Variants in SNX10 observed in about 807,000 individuals in gnomAD.
The protein encoded by SNX10 is sorting nexin-10.
A neutral mutation model predicts 28.5 loss-of-function variants in SNX10; 25 were observed. The observed-to-expected ratio is 0.88, with a 90% confidence interval of 0.64 to 1.22. SNX10 has a LOEUF of 1.22. SNX10 is among the 50% of genes most tolerant of loss of function. The pLI is 0.00. For missense variants in SNX10, 223 were observed against 242.6 expected, an observed-to-expected ratio of 0.92 and a Z score of 0.54; for synonymous variants, 62 against 81.4, an observed-to-expected ratio of 0.76 and a Z score of 1.28.
chr7:26,302,293 C>G (rs1279114860), intron 1 of SNX10, among the ~76,000 whole-genome samples: 1 of 152,072 alleles, frequency 6.6e-6, no homozygotes, highest in African/African-American at 2.4e-5. Flanking sequence ...CTGTGTGGGC[C>G]CAGAATCTTA....
intron 1 of SNX10, among the ~76,000 whole-genome samples, chr7:26,335,969 G>T (rs1330378832): frequency 6.6e-6 from 1 of 151,524 alleles, no homozygotes; most frequent in Non-Finnish European, 1.5e-5. Flanking sequence ...CTGACCTCGT[G>T]ATCCGCCCGC....
chr7:26,349,212 A>G (rs3801888), intron 2 of SNX10, among the ~76,000 whole-genome samples: 43,326 of 152,086 alleles, frequency 0.28, 6,443 homozygotes, highest in South Asian at 0.53. Flanking sequence ...CCCACAGCAA[A>G]CATTACTAAT....
intron 1 of SNX10, among the ~76,000 whole-genome samples, chr7:26,341,593 C>A (rs946435438): frequency 6.6e-6 from 1 of 151,646 alleles, no homozygotes; most frequent in African/African-American, 2.4e-5. Flanking sequence ...TTCCTGGGTT[C>A]AAGCAGTTCT....
At chr7:26,356,062 A>G (rs911747925) in intron 2 of SNX10, among the ~76,000 whole-genome samples, 3 of 152,206 alleles carry the variant, frequency 2.0e-5, no homozygotes, top group Non-Finnish European at 4.4e-5. Context: ...CTTAAGGGCT[A>G]AGGAAAAAAA....
At chr7:26,297,458 C>A (rs2127992429) in intron 1 of SNX10, among the ~76,000 whole-genome samples, 1 of 152,238 alleles carries the variant, frequency 6.6e-6, no homozygotes, top group Admixed American at 6.5e-5. Context: ...AATTCAGAGA[C>A]CATAAAGGAA....
chr7:26,338,999 A>T (rs886963248), intron 1 of SNX10, among the ~76,000 whole-genome samples: 3 of 152,218 alleles, frequency 2.0e-5, no homozygotes, highest in Admixed American at 6.5e-5. Flanking sequence ...TTGGAGCCAG[A>T]GACTACATGG....
chr7:26,305,491 G>A lies in SNX10; in HGVS notation c.-24+13405G>A, dbSNP rs1256346440. On this transcript the variant is annotated intron_variant, in intron 1 of 6. Coordinates refer to ENST00000338523, the MANE Select transcript of SNX10 (RefSeq NM_013322.3). ...AAGATGTGCTCTTCCTGCTGCCCCC[G>A]AAGGTCACTGTCTGGATTAGGGGGC... Among the ~76,000 whole-genome samples the A allele has an allele frequency of 2.0e-5, 3 of 152,282 alleles. No individual in the cohort carries two copies. The East Asian group carries it at 5.8e-4, about 29-fold the overall frequency.
intron 1 of SNX10, among the ~76,000 whole-genome samples, chr7:26,331,671 A>G (rs1024440684): frequency 6.6e-6 from 1 of 152,246 alleles, no homozygotes; most frequent in Admixed American, 6.5e-5. Context: ...TGCACTTATC[A>G]CCAAAGTCAC....
intron 1 of SNX10, among the ~76,000 whole-genome samples, chr7:26,338,001 G>A (rs1011957711): frequency 4.6e-5 from 7 of 152,060 alleles, no homozygotes; most frequent in Admixed American, 3.9e-4. Context: ...CTATCCTAAC[G>A]GGTGTGAGTT....
At chr7:26,352,702 C>T (rs1276512873) in intron 2 of SNX10, among the ~76,000 whole-genome samples, 4 of 152,100 alleles carry the variant, frequency 2.6e-5, no homozygotes, top group African/African-American at 9.7e-5. Flanking sequence ...AATAATTAAA[C>T]AATTCCTTCA....
chr7:26,347,074 ATGAAG>A (rs918537222), intron 2 of SNX10, among the ~76,000 whole-genome samples: 6 of 152,202 alleles, frequency 3.9e-5, no homozygotes, highest in African/African-American at 1.4e-4. Context: ...GGTGAGGCTG[ATGAAG>A]TGGAGAAGCA....
intron 1 of SNX10, among the ~76,000 whole-genome samples, chr7:26,312,975 C>T (rs1012942485): frequency 6.6e-6 from 1 of 152,190 alleles, no homozygotes; most frequent in Non-Finnish European, 1.5e-5. Context: ...TTTGTAAATA[C>T]GTTGCTTTGC....
At chr7:26,361,938 A>G (rs1789089159) in intron 3 of SNX10, among the ~76,000 whole-genome samples, 1 of 152,250 alleles carries the variant, frequency 6.6e-6, no homozygotes, top group Non-Finnish European at 1.5e-5. Context: ...ACTGGGGAGC[A>G]TAGCAATTGA....
At chr7:26,326,347 A>C (rs1288033960) in intron 1 of SNX10, among the ~76,000 whole-genome samples, 2 of 152,182 alleles carry the variant, frequency 1.3e-5, no homozygotes, top group Non-Finnish European at 2.9e-5. Context: ...GACTAGGTGC[A>C]CGAAGCCTCA....
At chr7:26,303,489 T>C (rs1020643543) in intron 1 of SNX10, among the ~76,000 whole-genome samples, 4 of 152,138 alleles carry the variant, frequency 2.6e-5, no homozygotes, top group African/African-American at 9.7e-5. Context: ...ATGCAGTCTT[T>C]CAGGCTCCTC....
intron 1 of SNX10, among the ~76,000 whole-genome samples, chr7:26,317,659 C>CTTTTTTTT (rs11310428): frequency 9.4e-6 from 1 of 106,220 alleles, no homozygotes; most frequent in African/African-American, 3.6e-5. Context: ...CTTCTTTGAT[C>CTTTTTTTT]TTTTTTTTTT....
chr7:26,303,376 C>A (rs980346000), intron 1 of SNX10, among the ~76,000 whole-genome samples: 1 of 152,214 alleles, frequency 6.6e-6, no homozygotes, highest in Non-Finnish European at 1.5e-5. Flanking sequence ...AACTCCCCGT[C>A]GCTGTTTCTC....
intron 2 of SNX10, among the ~76,000 whole-genome samples, chr7:26,350,040 G>A (rs1243226711): frequency 2.0e-5 from 3 of 152,214 alleles, no homozygotes; most frequent in Non-Finnish European, 2.9e-5. Flanking sequence ...GTGACCTGAA[G>A]TGTGGGCTGA....
intron 1 of SNX10, among the ~76,000 whole-genome samples, chr7:26,345,442 G>A (rs1347190839): frequency 6.6e-6 from 1 of 152,106 alleles, no homozygotes; most frequent in Non-Finnish European, 1.5e-5. Context: ...AGGGGAGAGG[G>A]ACTCCCTTCC....
Sources: allele counts gnomAD v4.1 joint callset (sites outside exome capture counted in the v4.1 genomes callset), GRCh38; gene constraint gnomAD v4.1.1; transcripts MANE v1.5; gene names NCBI Gene and HGNC (gene_info 2026-07-23, HGNC 2026-07-21).